Variants in PIK3CG observed in about 807,000 individuals in gnomAD.
PIK3CG encodes the protein phosphatidylinositol 4,5-bisphosphate 3-kinase catalytic subunit gamma isoform.
A neutral mutation model predicts 102.3 loss-of-function variants in PIK3CG; 55 were observed. The observed-to-expected ratio is 0.54, with a 90% confidence interval of 0.43 to 0.67. The LOEUF (loss-of-function observed/expected upper bound fraction) is 0.67. PIK3CG is among the 30% of genes least tolerant of loss of function. The pLI is 0.00. For missense variants in PIK3CG, 1,258 were observed against 1,391.8 expected, an observed-to-expected ratio of 0.90 and a Z score of 1.53; for synonymous variants, 552 against 540.0, an observed-to-expected ratio of 1.02 and a Z score of -0.31.
Position 106,874,594 on chromosome 7 carries a change from C to A in PIK3CG, c.2288-106C>A. The A allele has an allele frequency of 1.2e-6, 1 of 807,818 alleles. No individual in the cohort carries two copies. Among genetic ancestry groups the A allele is most frequent in the Non-Finnish European group, 2.0e-6 (1 of 501,960 alleles). The allele number at this position is 807,818 out of a possible 1,614,324, so 50.0% of individuals were successfully genotyped here. A position where few individuals can be genotyped will look rare whatever the true frequency, so the allele number is the denominator to read the frequency against. On this transcript the variant is annotated intron_variant, in intron 4 of 10. Transcript: ENST00000496166. The surrounding 1 kb of genome is among the most constrained non-coding windows in gnomAD (Gnocchi z 4.3). The stretch of plus-strand genomic sequence containing the variant: ...ACATTTCTCCTGCTCTACACCAGAA[C>A]AAATATATAGAATGCTATGAATAAA...
Position 106,867,689 on chromosome 7 carries a change from T to C in PIK3CG, c.128T>C (p.Val43Ala), listed in dbSNP as rs2116419278. ...ATGGAGCTCATCCCCATCGAGTTCG[T>C]GCTGCCCACCAGCCAGCGCAAATGC... is the stretch of plus-strand genomic sequence containing the variant. The part of the protein sequence containing the change: ...SSMELIPIEF[V>A]LPTSQRKCKS... Residue 43 changes from valine (V) to alanine (A), a missense_variant, in exon 2 of 11, where the codon GTG (valine) becomes GCG (alanine). By Grantham distance (64) the Val-to-Ala change is moderately conservative. This residue lies in a region of PIK3CG where 832 missense variants were observed against 787.5 expected (regional missense o/e 1.06). Transcript: ENST00000496166. This position sits in a 1 kb window ranked among gnomAD's most constrained non-coding sequence, Gnocchi z 5.1. 1.2e-6 allele frequency: 2 copies of C among 1,613,290 alleles called. No individual in the cohort carries two copies. Among genetic ancestry groups the C allele is most frequent in the Non-Finnish European group, 1.7e-6 (2 of 1,179,982 alleles).
Position 106,868,527 on chromosome 7 carries a change from G to A in PIK3CG, c.966G>A (p.Glu322=), listed in dbSNP as rs1790405356. 1 of 1,614,002 alleles carries A rather than the reference G, an allele frequency of 6.2e-7. No individual in the cohort carries two copies. Among genetic ancestry groups the A allele is most frequent in the Non-Finnish European group, 8.5e-7 (1 of 1,180,048 alleles). Reference sequence around the variant, plus strand: ...CCCTAGACGAGGTGAGGAAGGAAGAGTGGCCACTGGTGGATGACTGCACGG... The same window carrying A: ...CCCTAGACGAGGTGAGGAAGGAAGAATGGCCACTGGTGGATGACTGCACGG... ...DPALDEVRKE[E]WPLVDDCTGV... The change falls in exon 2 of 11, where the codon GAG becomes GAA. Residue 322 remains glutamate (E), a synonymous_variant. Coordinates refer to ENST00000496166, the MANE Select transcript of PIK3CG (RefSeq NM_001282426.2). This position sits in a 1 kb window ranked among gnomAD's most constrained non-coding sequence, Gnocchi z 6.2.
chr7:106,868,198 A>C lies in PIK3CG; in HGVS notation c.637A>C (p.Lys213Gln). 6.2e-7 allele frequency: 1 copy of C among 1,612,352 alleles called. No individual in the cohort carries two copies. Among genetic ancestry groups the C allele is most frequent in the Non-Finnish European group, 8.5e-7 (1 of 1,180,014 alleles). Residue 213 changes from lysine (K) to glutamine (Q), a missense_variant, in exon 2 of 11, where the codon AAG becomes CAG. Coordinates refer to ENST00000496166, the MANE Select transcript of PIK3CG (RefSeq NM_001282426.2). This position sits in a 1 kb window ranked among gnomAD's most constrained non-coding sequence, Gnocchi z 6.2. ...CAAGCCCCTCCCGGAGTACCTGTGGAAGAAGATTGCCAACAACTGCATCTT... is the reference window on the plus strand; with the variant it reads ...CAAGCCCCTCCCGGAGTACCTGTGGCAGAAGATTGCCAACAACTGCATCTT... ...TSKPLPEYLW[K>Q]KIANNCIFIV...
chr7:106,886,037 C>T (rs1316439772), intron 9 of PIK3CG, 98 bp from the exon 10 acceptor site: 1 of 1,079,782 alleles, frequency 9.3e-7, no homozygotes, highest in Non-Finnish European at 1.3e-6. Flanking sequence ...AAAATGCTTT[C>T]AACACAAGAT....
chr7:106,877,126 A>G lies in PIK3CG; in HGVS notation c.2391+2323A>G, dbSNP rs13243186. Among the ~76,000 whole-genome samples the G allele has an allele frequency of 0.26, 39,756 of 152,164 alleles. 5,909 individuals are homozygous for G. The highest frequency in any genetic ancestry group is 0.38 in the Admixed American group (5,876 of 15,290). ...GGTGGGAGGATCACTTGAGCTCAGG[A>G]GTTTGATACTGCAGTGAGCTGTGTT... On this transcript the variant is annotated intron_variant, in intron 5 of 10. Coordinates refer to ENST00000496166, the MANE Select transcript of PIK3CG (RefSeq NM_001282426.2). This position sits in a 1 kb window ranked among gnomAD's most constrained non-coding sequence, Gnocchi z 4.5.
chr7:106,904,448 A>G (rs1043607081), intron 10 of PIK3CG, among the ~76,000 whole-genome samples: 12 of 152,338 alleles, frequency 7.9e-5, no homozygotes, highest in African/African-American at 2.4e-4. Flanking sequence ...TGGCATAACC[A>G]TACCTGTTGC....
In PIK3CG at chr7:106,903,347, G is replaced by T. The variant is rs767710233; in HGVS notation, c.3031-1762G>T. On this transcript the variant is annotated intron_variant, in intron 10 of 10. Coordinates refer to ENST00000496166, the MANE Select transcript of PIK3CG (RefSeq NM_001282426.2). This position sits in a 1 kb window ranked among gnomAD's most constrained non-coding sequence, Gnocchi z 4.3. ...TAAACACCCAATAAGAATTTGTATT[G>T]AAATTTTATGTTTATAGATTAATCT... Among the ~76,000 whole-genome samples the T allele has an allele frequency of 6.6e-6, 1 of 151,962 alleles. No individual in the cohort carries two copies. The highest frequency in any genetic ancestry group is 1.5e-5 in the Non-Finnish European group (1 of 67,964).
At position 106,908,665 on chromosome 7, in the gene PIK3CG, G is replaced by T. The variant is rs116947423; in HGVS notation, c.*3278G>T. On this transcript the variant is annotated 3_prime_UTR_variant, in exon 11 of 11. Transcript: ENST00000496166. The surrounding 1 kb of genome is among the most constrained non-coding windows in gnomAD (Gnocchi z 4.1). ...AGTAAATATATCTTTTTCAGGTGATGAATTATTTTTTTAAAAAAGGTTACA... is the reference window on the plus strand; with the variant it reads ...AGTAAATATATCTTTTTCAGGTGATTAATTATTTTTTTAAAAAAGGTTACA... 6.6e-6 allele frequency among the ~76,000 whole-genome samples: 1 copy of T among 152,048 alleles called. No individual in the cohort carries two copies. Among genetic ancestry groups the T allele is most frequent in the Non-Finnish European group, 1.5e-5 (1 of 68,010 alleles).
At position 106,874,763 on chromosome 7, in the gene PIK3CG, G is replaced by C. The variant is rs2116499280; in HGVS notation, c.2351G>C (p.Arg784Thr). 2 of 1,614,028 alleles carry C rather than the reference G, an allele frequency of 1.2e-6. No homozygotes were observed. Among genetic ancestry groups the C allele is most frequent in the Non-Finnish European group, 1.7e-6 (2 of 1,179,920 alleles). ...AATTCTCAACTCCCCGAAAGCTTTA[G>C]AGTTCCATATGATCCTGGACTGAAA... ...LQNSQLPESF[R>T]VPYDPGLKAG... Residue 784 changes from arginine to threonine, a missense_variant, in exon 5 of 11, where the codon AGA becomes ACA. Physicochemically the swap from Arg to Thr is moderately conservative, Grantham distance 71. This residue lies in a region of PIK3CG where 426 missense variants were observed against 604.2 expected (regional missense o/e 0.71). Coordinates refer to ENST00000496166, the MANE Select transcript of PIK3CG (RefSeq NM_001282426.2). This position sits in a 1 kb window ranked among gnomAD's most constrained non-coding sequence, Gnocchi z 4.3.
chr7:106,898,509 T>G (rs1791463811), intron 10 of PIK3CG, among the ~76,000 whole-genome samples: 1 of 152,194 alleles, frequency 6.6e-6, no homozygotes. Flanking sequence ...TTTATAGTTT[T>G]GGGTTTTACA....
At position 106,887,933 on chromosome 7, in the gene PIK3CG, C is replaced by CTTT. The variant is rs71156344; in HGVS notation, c.3030+1665_3030+1667dup. Among the ~76,000 whole-genome samples, 45 of 60,614 alleles carry CTTT rather than the reference C, an allele frequency of 7.4e-4. 6 individuals are homozygous for CTTT. The highest frequency in any genetic ancestry group is 9.9e-4 in the Non-Finnish European group (35 of 35,230). The allele number at this position is 60,614 out of a possible 152,430, so 39.8% of individuals were successfully genotyped here. The stretch of plus-strand genomic sequence containing the variant: ...GAATTTGGCCTCATTGACGACTCTC[C>CTTT]TTTTTTTTTTTTTTTTTTTTTTTTT... On this transcript the variant is annotated intron_variant, in intron 10 of 10. Coordinates refer to ENST00000496166, the MANE Select transcript of PIK3CG (RefSeq NM_001282426.2).
Position 106,872,731 on chromosome 7 carries a change from T to C in PIK3CG, c.2080T>C (p.Phe694Leu), listed in dbSNP as rs1240109448. ...CCCTCAGAACAAAAGAATTGGTCAC[T>C]TTTTGTTTTGGTTCTTGAGAAGTGA... is the stretch of plus-strand genomic sequence containing the variant. ...RGLRNKRIGHFLFWFLRSEIA... is the reference protein window; with the variant it reads ...RGLRNKRIGHLLFWFLRSEIA... The change falls in exon 4 of 11, where the codon TTT (phenylalanine) becomes CTT (leucine). Residue 694 changes from phenylalanine to leucine, a missense_variant. Transcript: ENST00000496166. This position sits in a 1 kb window ranked among gnomAD's most constrained non-coding sequence, Gnocchi z 5.3. The C allele has an allele frequency of 1.9e-6, 3 of 1,613,980 alleles. No homozygotes were observed. Among genetic ancestry groups the C allele is most frequent in the Non-Finnish European group, 2.5e-6 (3 of 1,179,820 alleles).
Position 106,884,292 on chromosome 7 carries a change from C to T in PIK3CG, c.2872+26C>T. ...GTGAGTTTATTTAGTGCAGAATAAA[C>T]TTTTATTGTGGTAAAATATATATAA... On this transcript the variant is annotated intron_variant, in intron 9 of 10. Coordinates refer to ENST00000496166, the MANE Select transcript of PIK3CG (RefSeq NM_001282426.2). The surrounding 1 kb of genome is among the most constrained non-coding windows in gnomAD (Gnocchi z 4.2). The T allele has an allele frequency of 7.1e-7, 1 of 1,415,064 alleles. No individual in the cohort carries two copies. The highest frequency in any genetic ancestry group is 1.0e-6 in the Non-Finnish European group (1 of 1,002,626). The allele number at this position is 1,415,064 out of a possible 1,614,324, so 87.7% of individuals were successfully genotyped here.
Position 106,869,565 on chromosome 7 carries a change from T to G in PIK3CG, c.1995+9T>G, listed in dbSNP as rs2116468556. On this transcript the variant is annotated intron_variant, in intron 2 of 10. Coordinates refer to ENST00000496166, the MANE Select transcript of PIK3CG (RefSeq NM_001282426.2). The surrounding 1 kb of genome is among the most constrained non-coding windows in gnomAD (Gnocchi z 5.3). ...TTCTACAATTGGTCCAGGTAGGGGA[T>G]GTTGGTGTTATCAATGGAAGCCTTC... 6.3e-7 allele frequency: 1 copy of G among 1,582,610 alleles called. No individual in the cohort carries two copies. Among genetic ancestry groups the G allele is most frequent in the Non-Finnish European group, 8.6e-7 (1 of 1,162,236 alleles).
intron 10 of PIK3CG, among the ~76,000 whole-genome samples, chr7:106,900,788 A>G (rs1791528363): frequency 6.6e-6 from 1 of 152,206 alleles, no homozygotes; most frequent in Non-Finnish European, 1.5e-5. Context: ...CTTATCTGAA[A>G]AGGATCTTAA....
At position 106,872,920 on chromosome 7, in the gene PIK3CG, T is replaced by C. The variant is rs1425543126; in HGVS notation, c.2269T>C (p.Tyr757His). The change falls in exon 4 of 11, where the codon TAT becomes CAT. Residue 757 changes from tyrosine (Y) to histidine (H), a missense_variant. By Grantham distance (83) the Tyr-to-His change is moderately conservative. Around this residue, in one of 2 missense-constraint regions of PIK3CG, gnomAD observed 426 missense variants for 604.2 expected, o/e 0.71. Transcript: ENST00000496166. This position sits in a 1 kb window ranked among gnomAD's most constrained non-coding sequence, Gnocchi z 5.3. ...LDIKSLSAEKYDVSSQVISQL... is the reference protein window; with the variant it reads ...LDIKSLSAEKHDVSSQVISQL... ...TATTAAATCGCTCTCTGCTGAAAAG[T>C]ATGACGTCAGTTCCCAAGGTACGGT... 6.2e-7 allele frequency: 1 copy of C among 1,613,146 alleles called. No homozygotes were observed. The highest frequency in any genetic ancestry group is 8.5e-7 in the Non-Finnish European group (1 of 1,179,194).
rs2116562260 is a variant in PIK3CG, at chr7:106,886,255, C to G, written c.2993C>G (p.Ser998Cys). ...TPDFLFVMGT[S>C]GKKTSPHFQK... ...GACTTCCTCTTTGTGATGGGAACTT[C>G]TGGAAAGAAGACAAGCCCACACTTC... The change falls in exon 10 of 11, where the codon TCT becomes TGT. Residue 998 changes from serine (S) to cysteine (C), a missense_variant. Transcript: ENST00000496166. The G allele has an allele frequency of 6.2e-7, 1 of 1,614,162 alleles. No homozygotes were observed. The highest frequency in any genetic ancestry group is 8.5e-7 in the Non-Finnish European group (1 of 1,180,014).
rs1049900598 is a variant in PIK3CG, at chr7:106,906,074, T to G, written c.*687T>G. ...TAGAGATGAGACTTTTTGTGTCAAC[T>G]CTGTCCACAAGAGTGAGTTATCTAG... On this transcript the variant is annotated 3_prime_UTR_variant, in exon 11 of 11. Coordinates refer to ENST00000496166, the MANE Select transcript of PIK3CG (RefSeq NM_001282426.2). 8.8e-6 allele frequency: 2 copies of G among 226,442 alleles called. No individual in the cohort carries two copies. Among genetic ancestry groups the G allele is most frequent in the Non-Finnish European group, 8.7e-6 (1 of 114,668 alleles). 14.0% of individuals were successfully genotyped at this position (226,442 alleles called of 1,614,324 possible). A position where few individuals can be genotyped will look rare whatever the true frequency, so the allele number is the denominator to read the frequency against.
chr7:106,867,470 T>G lies in PIK3CG; in HGVS notation c.-12-80T>G, dbSNP rs1177270460. 9.2e-6 allele frequency: 12 copies of G among 1,309,088 alleles called. No individual in the cohort carries two copies. Among genetic ancestry groups the G allele is most frequent in the Admixed American group, 2.3e-5 (1 of 43,680 alleles). 81.1% of individuals were successfully genotyped at this position (1,309,088 alleles called of 1,614,324 possible). On this transcript the variant is annotated intron_variant, in intron 1 of 10. Coordinates refer to ENST00000496166, the MANE Select transcript of PIK3CG (RefSeq NM_001282426.2). This position sits in a 1 kb window ranked among gnomAD's most constrained non-coding sequence, Gnocchi z 5.1. ...TGTGCACATGTACGCCGCCTATACCTCCTCTTCCCTCATCTCACCAGAAAA... is the reference window on the plus strand; with the variant it reads ...TGTGCACATGTACGCCGCCTATACCGCCTCTTCCCTCATCTCACCAGAAAA...
Sources: gnomAD v4.1 joint callset for allele counts (sites outside exome capture counted in the v4.1 genomes callset) on GRCh38, gnomAD v4.1.1 for gene constraint, gnomAD v4.1.1 regional missense constraint, Gnocchi (gnomAD v3.1) non-coding constraint, MANE v1.5 for transcripts, NCBI Gene and HGNC (gene_info 2026-07-23, HGNC 2026-07-21) for gene names.